The following MAF variants were observed in gnomAD, a reference collection of about 807,000 sequenced individuals.
MAF encodes the protein MAF bZIP transcription factor, also known as transcription factor Maf.
Under a neutral mutation model 22.0 loss-of-function variants are expected in MAF, and 10 were observed. The observed-to-expected ratio is 0.45, with a 90% CI of 0.28 to 0.77. The LOEUF (loss-of-function observed/expected upper bound fraction) is 0.77. MAF is among the 30% of genes least tolerant of loss of function. MAF has a pLI of 0.12. For synonymous variants in MAF, 337 were observed against 255.8 expected, an observed-to-expected ratio of 1.32 and a Z score of -3.03; for missense variants, 544 against 548.4, an observed-to-expected ratio of 0.99 and a Z score of 0.08.
chr16:79,543,366 T>C, the MAF span, among the ~76,000 whole-genome samples: 1 of 152,154 alleles, frequency 6.6e-6, no homozygotes, highest in South Asian at 2.1e-4. Flanking sequence ...TTCCCACTTA[T>C]CTCATACACA....
the MAF span, among the ~76,000 whole-genome samples, chr16:79,552,659 A>ATC: frequency 6.6e-6 from 1 of 152,126 alleles, no homozygotes; most frequent in Admixed American, 6.5e-5. Flanking sequence ...TCAGGACAGG[A>ATC]TCTTGGCTCT....
chr16:79,540,005 C>A, the MAF span, among the ~76,000 whole-genome samples: 2 of 151,832 alleles, frequency 1.3e-5, no homozygotes, highest in African/African-American at 4.8e-5. Context: ...CAAACATAGC[C>A]AGGTGAGTCT....
At chr16:79,547,912 G>A in the MAF span, among the ~76,000 whole-genome samples, 1 of 124,378 alleles carries the variant, frequency 8.0e-6, no homozygotes, top group Non-Finnish European at 1.9e-5. Context: ...GAGAGAGAGA[G>A]AGAGAGATAG....
chr16:79,363,598 G>C, the MAF span, among the ~76,000 whole-genome samples: 1 of 152,136 alleles, frequency 6.6e-6, no homozygotes, highest in African/African-American at 2.4e-5. Flanking sequence ...TTTTAAAGTT[G>C]AAATATTAAG....
chr16:79,454,431 G>C, the MAF span, among the ~76,000 whole-genome samples: 4 of 152,166 alleles, frequency 2.6e-5, no homozygotes, highest in Non-Finnish European at 5.9e-5. Flanking sequence ...TATTGGTCTT[G>C]ATTACTTGTC....
At chr16:79,326,316 T>C in the MAF span, among the ~76,000 whole-genome samples, 1 of 152,206 alleles carries the variant, frequency 6.6e-6, no homozygotes, top group South Asian at 2.1e-4. Flanking sequence ...CCTAGCATAC[T>C]AGGGGCTCCA....
At chr16:79,506,940 G>T in the MAF span, among the ~76,000 whole-genome samples, 56 of 152,274 alleles carry the variant, frequency 3.7e-4, no homozygotes, top group African/African-American at 1.3e-3. Context: ...ACTTAGAGGG[G>T]TGTATAGGAA....
the MAF span, among the ~76,000 whole-genome samples, chr16:79,525,840 T>C: frequency 1.3e-5 from 2 of 151,992 alleles, no homozygotes; most frequent in Non-Finnish European, 2.9e-5. Context: ...TCATGAAGAG[T>C]GCAATGTACC....
chr16:79,547,281 GCACATACA>G, the MAF span, among the ~76,000 whole-genome samples: 1 of 150,976 alleles, frequency 6.6e-6, no homozygotes, highest in South Asian at 2.1e-4. Context: ...ATCTACACAC[GCACATACA>G]CACACACACA....
chr16:79,346,026 G>A, the MAF span, among the ~76,000 whole-genome samples: 1 of 151,982 alleles, frequency 6.6e-6, no homozygotes, highest in East Asian at 1.9e-4. Context: ...TCTCCGATAG[G>A]GCTCATTCTT....
chr16:79,561,074 C>T, the MAF span, among the ~76,000 whole-genome samples: 2 of 152,154 alleles, frequency 1.3e-5, no homozygotes, highest in Non-Finnish European at 2.9e-5. Flanking sequence ...ATCCCAAGAC[C>T]TGTATCTTTA....
chr16:79,374,039 T>C, the MAF span, among the ~76,000 whole-genome samples: 1 of 152,128 alleles, frequency 6.6e-6, no homozygotes, highest in African/African-American at 2.4e-5. Flanking sequence ...CCTCATTGGT[T>C]TGGCCCAACA....
intron 1 of MAF, chr16:79,598,439 G>A (rs999979440): frequency 4.0e-4 from 503 of 1,252,490 alleles, no homozygotes; most frequent in Non-Finnish European, 4.9e-4. Flanking sequence ...AAGTCCGGGG[G>A]TGGGGCGGGG....
chr16:79,331,390 C>T, the MAF span, among the ~76,000 whole-genome samples: 23 of 152,326 alleles, frequency 1.5e-4, no homozygotes, highest in African/African-American at 5.1e-4. Flanking sequence ...GTCATTCCAG[C>T]TGAACTGAAA....
At chr16:79,528,644 T>A in the MAF span, among the ~76,000 whole-genome samples, 3 of 148,166 alleles carry the variant, frequency 2.0e-5, no homozygotes, top group African/African-American at 7.4e-5. Flanking sequence ...TTGAGAGATA[T>A]CAATTCGAAG....
chr16:79,237,358 G>C, the MAF span, among the ~76,000 whole-genome samples: 1 of 152,062 alleles, frequency 6.6e-6, no homozygotes. Flanking sequence ...GCGTTTGCTG[G>C]TGGCTTGGGA....
At chr16:79,501,533 C>T in the MAF span, among the ~76,000 whole-genome samples, 1 of 151,728 alleles carries the variant, frequency 6.6e-6, no homozygotes, top group African/African-American at 2.4e-5. Flanking sequence ...TGCTTGAGGC[C>T]ACATTGCATT....
At chr16:79,506,749 T>C in the MAF span, among the ~76,000 whole-genome samples, 1 of 151,992 alleles carries the variant, frequency 6.6e-6, no homozygotes. Flanking sequence ...CACTGGGTGA[T>C]GAAACAGCAA....
chr16:79,372,098 G>T, the MAF span, among the ~76,000 whole-genome samples: 11 of 142,266 alleles, frequency 7.7e-5, no homozygotes, highest in Non-Finnish European at 1.4e-4. Context: ...TACCCCAAGT[G>T]CAATGCCAGT....
Sources: allele counts gnomAD v4.1 joint callset (sites outside exome capture counted in the v4.1 genomes callset), GRCh38; gene constraint gnomAD v4.1.1; transcripts MANE v1.5; gene names NCBI Gene and HGNC (gene_info 2026-07-23, HGNC 2026-07-21).